MYO1B: variants seen among roughly 807,000 people sequenced by gnomAD.
The protein encoded by MYO1B is myosin IB, also known as unconventional myosin-Ib.
A neutral mutation model predicts 159.7 loss-of-function variants in MYO1B; 72 were observed. That is an observed-to-expected ratio of 0.45 (90% CI 0.37 to 0.55). MYO1B has a LOEUF of 0.55. MYO1B is among the 20% of genes least tolerant of loss of function. MYO1B has a pLI of 0.00. For missense variants in MYO1B, 1,062 were observed against 1,364.8 expected (o/e 0.78, Z 3.50); for synonymous variants, 468 against 473.8 (o/e 0.99, Z 0.16).
At chr2:191,360,575 A>G in intron 7 of MYO1B, 56 bp from the exon 8 acceptor site, 1 of 1,071,038 alleles carries the variant, frequency 9.3e-7, no homozygotes, top group Non-Finnish European at 1.4e-6. Context: ...GAAAAAAAGC[A>G]TGGTGGATTT....
intron 2 of MYO1B, among the ~76,000 whole-genome samples, chr2:191,280,466 GC>G (rs1559136721): frequency 6.6e-6 from 1 of 152,198 alleles, no homozygotes; most frequent in African/African-American, 2.4e-5. Flanking sequence ...TAGCAAACCA[GC>G]TGCAGCATTC....
chr2:191,286,635 T>C (rs890464786), intron 2 of MYO1B, among the ~76,000 whole-genome samples: 2 of 152,198 alleles, frequency 1.3e-5, no homozygotes, highest in African/African-American at 4.8e-5. Flanking sequence ...ATTTCCTGTA[T>C]ACAAAGACCA....
chr2:191,419,304 C>CG (rs1264626159), intron 30 of MYO1B, among the ~76,000 whole-genome samples: 1 of 151,964 alleles, frequency 6.6e-6, no homozygotes, highest in South Asian at 2.1e-4. Flanking sequence ...CTGCAAGCTC[C>CG]GCCTCCTGGG....
chr2:191,370,151 ATATC>A, intron 12 of MYO1B, 72 bp from the exon 13 acceptor site: 2 of 905,674 alleles, frequency 2.2e-6, no homozygotes, highest in Non-Finnish European at 3.5e-6. Context: ...TTTGTAATAT[ATATC>A]TATGTTCCTT....
At chr2:191,262,095 C>G (rs954158185) in intron 1 of MYO1B, among the ~76,000 whole-genome samples, 2 of 152,122 alleles carry the variant, frequency 1.3e-5, no homozygotes, top group African/African-American at 4.8e-5. Flanking sequence ...TCTGTGATTT[C>G]CCTTGGCACA....
chr2:191,322,514 G>A lies in MYO1B; in HGVS notation c.252-7421G>A, dbSNP rs534721583. Among the ~76,000 whole-genome samples the A allele has an allele frequency of 3.9e-5, 6 of 152,200 alleles. No homozygotes were observed. In the East Asian group the frequency reaches 1.2e-3, roughly 29 times the overall value. On this transcript the variant is annotated intron_variant, in intron 3 of 30. Coordinates refer to ENST00000392318, the MANE Select transcript of MYO1B (RefSeq NM_001130158.3). ...TTGTTGAGTAACTCTTAGCAAGCTG[G>A]TCCTGGGCGGGGCAGACTTGAGGAT...
chr2:191,304,094 A>G (rs1175012569), intron 3 of MYO1B, among the ~76,000 whole-genome samples: 7 of 152,174 alleles, frequency 4.6e-5, no homozygotes, highest in Admixed American at 1.3e-4. Flanking sequence ...CAGCAGTGCA[A>G]TGTCCATGTG....
At chr2:191,322,599 T>C (rs1690798608) in intron 3 of MYO1B, among the ~76,000 whole-genome samples, 1 of 152,168 alleles carries the variant, frequency 6.6e-6, no homozygotes. Context: ...GGGGTGTCCC[T>C]AAGCTTCTTT....
rs200446624 is a variant in MYO1B, at chr2:191,364,208, C to T, written c.964C>T (p.Arg322Ter). 11 of 1,613,868 alleles carry T rather than the reference C, an allele frequency of 6.8e-6. No homozygotes were observed. The highest frequency in any genetic ancestry group is 1.7e-5 in the Admixed American group (1 of 59,992). ...LTGIDQSVLE[R>*]AFSFRTVEAK... ...CGGCATTGATCAATCAGTTCTAGAA[C>T]GAGCATTCAGTTTCCGAACAGTTGA... Residue 322 changes from arginine (R) to a stop codon, truncating the protein, a stop_gained, in exon 11 of 31, where the codon CGA becomes TGA. Coordinates refer to ENST00000392318, the MANE Select transcript of MYO1B (RefSeq NM_001130158.3). LOFTEE classifies it high-confidence loss of function.
chr2:191,365,772 G>A (rs1180485400), intron 11 of MYO1B, among the ~76,000 whole-genome samples: 1 of 152,158 alleles, frequency 6.6e-6, no homozygotes, highest in African/African-American at 2.4e-5. Context: ...GCCAGATTTG[G>A]GGCACATATC....
chr2:191,400,880 A>G (rs1696569615), intron 23 of MYO1B, 45 bp downstream of exon 23: 3 of 1,575,482 alleles, frequency 1.9e-6, no homozygotes, highest in African/African-American at 1.3e-5. Flanking sequence ...GAATTCTGCA[A>G]TAATCAGTCC....
At chr2:191,286,430 T>G (rs539903332) in intron 2 of MYO1B, among the ~76,000 whole-genome samples, 2 of 152,230 alleles carry the variant, frequency 1.3e-5, no homozygotes, top group Admixed American at 1.3e-4. Context: ...ATATGACATC[T>G]TAATATCTTG....
In MYO1B at chr2:191,400,767, C is replaced by T. The variant is rs755593327; in HGVS notation, c.2401C>T (p.Arg801Trp). The change falls in exon 23 of 31, where the codon CGG (arginine) becomes TGG (tryptophan). Residue 801 changes from arginine (R) to tryptophan (W), a missense_variant. Transcript: ENST00000392318. Reference sequence around the variant, plus strand: ...ATCACAGGCACGAAGGGAACTGAGACGGCTGAAGGAGGAGGCTAGGAATAA... The same window carrying T: ...ATCACAGGCACGAAGGGAACTGAGATGGCTGAAGGAGGAGGCTAGGAATAA... ...HGTQARRELRRLKEEARNKHA... is the reference protein window; with the variant it reads ...HGTQARRELRWLKEEARNKHA... 2.4e-5 allele frequency: 39 copies of T among 1,613,850 alleles called. No individual in the cohort carries two copies. The highest frequency in any genetic ancestry group is 3.3e-5 in the Admixed American group (2 of 59,994).
intron 1 of MYO1B, among the ~76,000 whole-genome samples, chr2:191,273,518 C>T (rs1299502302): frequency 6.6e-6 from 1 of 152,182 alleles, no homozygotes; most frequent in African/African-American, 2.4e-5. Context: ...TGCAGTAGTT[C>T]CAAGTGTCAC....
Position 191,360,710 on chromosome 2 carries a change from T to TA in MYO1B, c.642_643insA (p.Ala215SerfsTer3). 1 of 1,611,342 alleles carries TA rather than the reference T, an allele frequency of 6.2e-7. No homozygotes were observed. Among genetic ancestry groups the TA allele is most frequent in the Non-Finnish European group, 8.5e-7 (1 of 1,177,816 alleles). ...ATGTGTTCTATCAGCTGCTCTCTGG[T>TA]GCCTCTGAAGAGCTCCTCAGTAAGT... On this transcript the variant is annotated frameshift_variant, in exon 8 of 31. Coordinates refer to ENST00000392318, the MANE Select transcript of MYO1B (RefSeq NM_001130158.3). LOFTEE classifies it high-confidence loss of function.
At chr2:191,266,705 T>G (rs1190754737) in intron 1 of MYO1B, among the ~76,000 whole-genome samples, 2 of 152,174 alleles carry the variant, frequency 1.3e-5, no homozygotes, top group African/African-American at 4.8e-5. Context: ...GATTCTAAGG[T>G]CTCTCTCCTT....
intron 6 of MYO1B, among the ~76,000 whole-genome samples, chr2:191,347,583 TA>T (rs2125976136): frequency 6.6e-6 from 1 of 152,368 alleles, no homozygotes; most frequent in South Asian, 2.1e-4. Flanking sequence ...TACTCAGTGA[TA>T]TTTGAAATCT....
intron 20 of MYO1B, 86 bp from the exon 21 acceptor site, chr2:191,396,343 G>GAAGTGA: frequency 7.1e-7 from 1 of 1,401,204 alleles, no homozygotes; most frequent in Non-Finnish European, 1.0e-6. Context: ...TCAGTTAGAC[G>GAAGTGA]AAGTGAGCAA....
intron 3 of MYO1B, among the ~76,000 whole-genome samples, chr2:191,317,231 G>T (rs1035640845): frequency 2.6e-5 from 4 of 151,680 alleles, no homozygotes; most frequent in Non-Finnish European, 5.9e-5. Context: ...GGATACATCC[G>T]CTATAGAACT....
Sources: allele counts gnomAD v4.1 joint callset (sites outside exome capture counted in the v4.1 genomes callset), GRCh38; gene constraint gnomAD v4.1.1; transcripts MANE v1.5; gene names NCBI Gene and HGNC (gene_info 2026-07-23, HGNC 2026-07-21).